Variants in SPEF2 observed in about 807,000 individuals in gnomAD.
SPEF2 encodes the protein sperm flagella and cilia-associated protein 2.
In SPEF2, 187 loss-of-function variants were observed where a neutral mutation model predicts 224.6. The observed-to-expected ratio is 0.83, with a 90% CI of 0.74 to 0.94. SPEF2 has a LOEUF of 0.94. Among genes scored for constraint, SPEF2 ranks in the 40% least tolerant of loss-of-function variants. The pLI is 0.00. For missense variants in SPEF2, 2,170 were observed against 2,135.6 expected, an observed-to-expected ratio of 1.02 and a Z score of -0.32; for synonymous variants, 715 against 707.3, an observed-to-expected ratio of 1.01 and a Z score of -0.17.
chr5:35,786,919 A>G (rs1755223935), intron 30 of SPEF2, among the ~76,000 whole-genome samples: 1 of 152,342 alleles, frequency 6.6e-6, no homozygotes, highest in African/African-American at 2.4e-5. Context: ...AAAAGAGAAT[A>G]TATGTCATGA....
chr5:35,757,111 T>A lies in SPEF2; in HGVS notation c.3469-2457T>A, dbSNP rs535939966. Among the ~76,000 whole-genome samples the A allele has an allele frequency of 3.3e-5, 5 of 152,242 alleles. No homozygotes were observed. The South Asian group carries it at 1.0e-3, about 32-fold the overall frequency. The stretch of plus-strand genomic sequence containing the variant: ...TATTGTTTACTAGTTATCATAACAA[T>A]TAAAAATATCGTTTACTAGTTATAA... On this transcript the variant is annotated intron_variant, in intron 24 of 36. Coordinates refer to ENST00000356031, the MANE Select transcript of SPEF2 (RefSeq NM_024867.4).
chr5:35,750,289 C>T (rs974155612), intron 23 of SPEF2, among the ~76,000 whole-genome samples: 6 of 152,016 alleles, frequency 3.9e-5, no homozygotes, highest in African/African-American at 1.4e-4. Context: ...GACATTGGCT[C>T]AGGCAAGGAT....
rs1342836242 is a variant in SPEF2 at position 35,806,940 on chromosome 5, C to T, written c.5244C>T (p.Asn1748=). 3.1e-6 allele frequency: 5 copies of T among 1,605,834 alleles called. No homozygotes were observed. The highest frequency in any genetic ancestry group is 4.2e-6 in the Non-Finnish European group (5 of 1,177,072). Residue 1748 remains asparagine (N), a synonymous_variant, in exon 35 of 37, where the codon AAC becomes AAT. Transcript: ENST00000356031. The part of the protein sequence containing the change: ...NRFASHLKIE[N]IYAEGFIKTF... Reference sequence around the variant, plus strand: ...TTGCCAGCCACCTAAAGATAGAGAACATTTATGCAGAGGTTGGTTAAATTA... The same window carrying T: ...TTGCCAGCCACCTAAAGATAGAGAATATTTATGCAGAGGTTGGTTAAATTA...
intron 11 of SPEF2, 103 bp from the exon 12 acceptor site, chr5:35,692,467 C>G: frequency 1.3e-6 from 1 of 799,324 alleles, no homozygotes. Flanking sequence ...ACTGTTCTAG[C>G]GGGCCTGAAA....
intron 1 of SPEF2, 92 bp downstream of exon 1, chr5:35,618,147 C>A (rs1742927667): frequency 1.4e-5 from 20 of 1,416,444 alleles, no homozygotes; most frequent in Non-Finnish European, 2.0e-5. Context: ...AGGTGGCGGG[C>A]AGGGCGCGAG....
intron 17 of SPEF2, among the ~76,000 whole-genome samples, chr5:35,705,073 G>A (rs1374360449): frequency 6.6e-6 from 1 of 151,824 alleles, no homozygotes; most frequent in Non-Finnish European, 1.5e-5. Flanking sequence ...CATTGCAAAG[G>A]GAAATTTAGA....
chr5:35,802,617 A>G (rs1757572589), intron 34 of SPEF2, among the ~76,000 whole-genome samples: 2 of 152,148 alleles, frequency 1.3e-5, no homozygotes, highest in Non-Finnish European at 2.9e-5. Flanking sequence ...CTGAGAAGAG[A>G]CATACAAACA....
chr5:35,771,771 A>C lies in SPEF2; in HGVS notation c.3949+15A>C, dbSNP rs1251624558. On this transcript the variant is annotated intron_variant, in intron 27 of 36. Transcript: ENST00000356031. ...AAAACCCAAAGGTATTTATGGTTTT[A>C]GCACTCAGAACCCTGGATGCCTAAA... The C allele has an allele frequency of 1.9e-6, 3 of 1,581,718 alleles. No individual in the cohort carries two copies. The highest frequency in any genetic ancestry group is 1.2e-5 in the South Asian group (1 of 84,016).
At chr5:35,709,364 G>C in intron 19 of SPEF2, 1 of 1,289,974 alleles carries the variant, frequency 7.8e-7, no homozygotes, top group Non-Finnish European at 9.8e-7. Flanking sequence ...CTACTGATTA[G>C]AGTAAGACCA....
intron 11 of SPEF2, among the ~76,000 whole-genome samples, 171 bp from the exon 12 acceptor site, chr5:35,692,399 A>G (rs887268100): frequency 2.0e-5 from 3 of 152,208 alleles, no homozygotes; most frequent in African/African-American, 7.2e-5. Context: ...CGACAGAGCG[A>G]GACTCCGTCT....
chr5:35,624,541 T>A (rs1435770977), intron 1 of SPEF2, among the ~76,000 whole-genome samples: 6 of 151,984 alleles, frequency 3.9e-5, no homozygotes, highest in Non-Finnish European at 8.8e-5. Flanking sequence ...GAGAAAAAAA[T>A]AAGCTTTTTC....
intron 30 of SPEF2, chr5:35,790,189 A>G (rs1755762253): frequency 5.7e-6 from 4 of 697,938 alleles, no homozygotes; most frequent in Non-Finnish European, 1.0e-5. Flanking sequence ...TCACATATGC[A>G]TGCAAAAATC....
At chr5:35,727,919 C>T in intron 21 of SPEF2, 96 bp downstream of exon 21, 1 of 1,306,570 alleles carries the variant, frequency 7.7e-7, no homozygotes, top group Admixed American at 2.3e-5. Flanking sequence ...AGGCCTTTTA[C>T]AGCAGGTAAT....
Position 35,700,689 on chromosome 5 carries a change from G to C in SPEF2, c.2335G>C (p.Asp779His). The C allele has an allele frequency of 6.2e-7, 1 of 1,613,934 alleles. No individual in the cohort carries two copies. Among genetic ancestry groups the C allele is most frequent in the Non-Finnish European group, 8.5e-7 (1 of 1,179,906 alleles). ...KEIPLPSPAF[D>H]FVILLDVSDT... The stretch of plus-strand genomic sequence containing the variant: ...AATACCTCTTCCCTCTCCTGCATTT[G>C]ATTTTGTCATATTATTAGATGTTTC... Residue 779 changes from aspartate (D) to histidine (H), a missense_variant, in exon 16 of 37, where the codon GAT (aspartate) becomes CAT (histidine). Asp to His is a moderately conservative substitution (Grantham distance 81). Coordinates refer to ENST00000356031, the MANE Select transcript of SPEF2 (RefSeq NM_024867.4).
At chr5:35,678,309 A>C (rs986095047) in intron 10 of SPEF2, among the ~76,000 whole-genome samples, 1 of 152,196 alleles carries the variant, frequency 6.6e-6, no homozygotes, top group African/African-American at 2.4e-5. Context: ...TCCATAGGCA[A>C]GGCATTGGCC....
intron 15 of SPEF2, 90 bp from the exon 16 acceptor site, chr5:35,700,406 G>T (rs1738367172): frequency 8.4e-7 from 1 of 1,183,600 alleles, no homozygotes; most frequent in South Asian, 1.5e-5. Context: ...AGTTATTGTG[G>T]AATTGAAAGA....
intron 36 of SPEF2, among the ~76,000 whole-genome samples, chr5:35,813,473 C>A (rs998136358): frequency 1.3e-5 from 2 of 152,052 alleles, no homozygotes; most frequent in Non-Finnish European, 2.9e-5. Context: ...GCCTGGGTGA[C>A]AGAGCGAAAC....
intron 28 of SPEF2, among the ~76,000 whole-genome samples, chr5:35,775,347 C>T (rs571877711): frequency 1.3e-5 from 2 of 151,914 alleles, no homozygotes; most frequent in African/African-American, 4.8e-5. Flanking sequence ...AATTCTTGAG[C>T]GGAATTGGAA....
chr5:35,697,703 C>T lies in SPEF2; in HGVS notation c.2051C>T (p.Ala684Val), dbSNP rs1163472143. The change falls in exon 15 of 37, where the codon GCT (alanine) becomes GTT (valine). Residue 684 changes from alanine to valine, a missense_variant. Coordinates refer to ENST00000356031, the MANE Select transcript of SPEF2 (RefSeq NM_024867.4). ...SDSFLKLTTR[A>V]QLGAKSEQLL... is the part of the protein sequence containing the mutation. The stretch of plus-strand genomic sequence containing the variant: ...TTATTTTCCCAGCTCACTACACGTG[C>T]TCAGCTTGGTGCAAAATCAGAACAG... 2.5e-6 allele frequency: 4 copies of T among 1,613,164 alleles called. No homozygotes were observed. The East Asian group carries it at 6.7e-5, about 27-fold the overall frequency.
Sources: gnomAD v4.1 joint callset for allele counts (sites outside exome capture counted in the v4.1 genomes callset) on GRCh38, gnomAD v4.1.1 for gene constraint, MANE v1.5 for transcripts, NCBI Gene and HGNC (gene_info 2026-07-23, HGNC 2026-07-21) for gene names.